The following RPS6KA2 variants were observed in gnomAD, a reference collection of about 807,000 sequenced individuals.
The protein encoded by RPS6KA2 is ribosomal protein S6 kinase alpha-2.
A neutral mutation model predicts 91.8 loss-of-function variants in RPS6KA2; 42 were observed. That is an observed-to-expected ratio of 0.46 (90% CI 0.36 to 0.59). The LOEUF (loss-of-function observed/expected upper bound fraction) is 0.59, where lower values mean the gene tolerates loss of function less well. Ranked by LOEUF, RPS6KA2 falls within the 20% of genes least tolerant of loss-of-function variation. The probability of loss-of-function intolerance (pLI) is 0.00; values close to 1 mark genes in which losing one functional copy is unlikely to be tolerated. For synonymous variants in RPS6KA2, 414 were observed against 393.6 expected (o/e 1.05, Z -0.61); for missense variants, 798 against 978.5 (o/e 0.82, Z 2.46).
Position 166,829,589 on chromosome 6 carries a change from C to CAA in RPS6KA2, c.123+28609_123+28610dup, listed in dbSNP as rs57711560. On this transcript the variant is annotated intron_variant, in intron 2 of 21. Coordinates refer to the RPS6KA2 transcript ENST00000503859. Reference sequence around the variant, plus strand: ...TGGGCAACAGAGCGAGACTCTGTCTCAAAAAAAAAAAAAAAAAAAAAAAAA... The same window carrying CAA: ...TGGGCAACAGAGCGAGACTCTGTCTCAAAAAAAAAAAAAAAAAAAAAAAAAAA... Among the ~76,000 whole-genome samples, 133 of 96,890 alleles carry CAA rather than the reference C, an allele frequency of 1.4e-3. 8 individuals are homozygous for CAA. Among genetic ancestry groups the CAA allele is most frequent in the African/African-American group, 5.9e-3 (124 of 21,160 alleles). 63.6% of individuals were successfully genotyped at this position (96,890 alleles called of 152,430 possible).
chr6:166,756,962 G>A (rs902185642), intron 2 of RPS6KA2, among the ~76,000 whole-genome samples: 6 of 152,198 alleles, frequency 3.9e-5, no homozygotes, highest in South Asian at 2.1e-4. Context: ...TGAAAACGTC[G>A]CGGAGATGGC....
At chr6:166,837,223 G>A (rs12527782) in intron 2 of RPS6KA2, among the ~76,000 whole-genome samples, 110,752 of 151,964 alleles carry the variant, frequency 0.73, 41,070 homozygotes, top group Non-Finnish European at 0.8. Flanking sequence ...GGGGTGGGAG[G>A]GCGCCCTGCC....
At chr6:166,743,623 C>CT (rs1164637301) in intron 2 of RPS6KA2, among the ~76,000 whole-genome samples, 1 of 152,220 alleles carries the variant, frequency 6.6e-6, no homozygotes, top group Non-Finnish European at 1.5e-5. Flanking sequence ...TCTTGTAACC[C>CT]TTTGGTATAT....
At chr6:166,670,516 T>C (rs745963467) in intron 2 of RPS6KA2, among the ~76,000 whole-genome samples, 4 of 152,202 alleles carry the variant, frequency 2.6e-5, no homozygotes, top group Non-Finnish European at 1.5e-5. Context: ...TCGTAAAAAA[T>C]TGAAACATAC....
chr6:166,758,706 G>A (rs1157836263), intron 2 of RPS6KA2, among the ~76,000 whole-genome samples: 1 of 152,230 alleles, frequency 6.6e-6, no homozygotes, highest in African/African-American at 2.4e-5. Context: ...GGATGCAGGT[G>A]TGGAAATAAA....
chr6:166,725,604 C>T (rs1324561900), intron 2 of RPS6KA2, among the ~76,000 whole-genome samples: 2 of 152,224 alleles, frequency 1.3e-5, no homozygotes, highest in African/African-American at 4.8e-5. Context: ...GGGGCGCACA[C>T]ACGGAACCAA....
At position 166,418,951 on chromosome 6, in the gene RPS6KA2, G is replaced by A. The variant is rs1036218794; in HGVS notation, c.1821-609C>T. 7.9e-5 allele frequency among the ~76,000 whole-genome samples: 12 copies of A among 152,210 alleles called. No homozygotes were observed. The highest frequency in any genetic ancestry group is 2.1e-4 in the South Asian group (1 of 4,830). On this transcript the variant is annotated intron_variant, in intron 18 of 20. Transcript: ENST00000265678. The surrounding 1 kb of genome is among the most constrained non-coding windows in gnomAD (Gnocchi z 4.9). The stretch of plus-strand genomic sequence containing the variant: ...GGGAAAGTGTGTGATCTAGTTTTCC[G>A]TATAGGCAAAGTGAGTATTAGAAGC...
chr6:166,745,088 G>C (rs1015582801), intron 2 of RPS6KA2, among the ~76,000 whole-genome samples: 3 of 151,854 alleles, frequency 2.0e-5, no homozygotes, highest in African/African-American at 7.3e-5. Flanking sequence ...TTTGGAGACA[G>C]TGTCCTTCCC....
intron 1 of RPS6KA2, among the ~76,000 whole-genome samples, chr6:166,559,661 T>C (rs951730207): frequency 1.3e-5 from 2 of 152,188 alleles, no homozygotes; most frequent in African/African-American, 4.8e-5. Context: ...TTGAGTAATA[T>C]GGTCTGGCCT....
At chr6:166,862,413 C>G in exon 1 of RPS6KA2, 1 of 1,352,650 alleles carries the variant, frequency 7.4e-7, no homozygotes, top group Admixed American at 3.1e-5. Context: ...GCCGTCCCCT[C>G]CCTGCCAAGC....
chr6:166,739,203 T>A (rs1324998143), intron 2 of RPS6KA2, among the ~76,000 whole-genome samples: 13 of 152,356 alleles, frequency 8.5e-5, no homozygotes, highest in Non-Finnish European at 1.5e-5. Flanking sequence ...AACTCATGGC[T>A]TTGACAATTT....
intron 2 of RPS6KA2, among the ~76,000 whole-genome samples, chr6:166,830,734 C>T (rs559640676): frequency 2.0e-5 from 3 of 152,292 alleles, no homozygotes; most frequent in African/African-American, 7.2e-5. Flanking sequence ...TCAGTCCTCT[C>T]AGACCCAGAT....
chr6:166,685,950 G>A (rs1672001988), intron 2 of RPS6KA2, among the ~76,000 whole-genome samples: 1 of 152,212 alleles, frequency 6.6e-6, no homozygotes, highest in South Asian at 2.1e-4. Flanking sequence ...CCCTAGGAGG[G>A]AGGGGGACAG....
chr6:166,681,258 C>A (rs1050071465), intron 2 of RPS6KA2, among the ~76,000 whole-genome samples: 1 of 152,118 alleles, frequency 6.6e-6, no homozygotes, highest in African/African-American at 2.4e-5. Context: ...GATGCCATAC[C>A]CCACGACAAA....
intron 14 of RPS6KA2, among the ~76,000 whole-genome samples, chr6:166,432,724 C>T (rs1460731470): frequency 6.6e-6 from 1 of 152,162 alleles, no homozygotes; most frequent in Non-Finnish European, 1.5e-5. Flanking sequence ...GGCAAGGTGG[C>T]TCATGCCTGT....
At position 166,423,499 on chromosome 6, in the gene RPS6KA2, G is replaced by A; in HGVS notation, c.1582-82C>T. 2 of 1,365,364 alleles carry A rather than the reference G, an allele frequency of 1.5e-6. No homozygotes were observed. The highest frequency in any genetic ancestry group is 2.0e-5 in the Admixed American group (1 of 49,672). The allele number at this position is 1,365,364 out of a possible 1,614,324, so 84.6% of individuals were successfully genotyped here. On this transcript the variant is annotated intron_variant, in intron 16 of 20. Transcript: ENST00000265678. The surrounding 1 kb of genome is among the most constrained non-coding windows in gnomAD (Gnocchi z 4.8). ...AGGGCAGGTGCATTTGGAGGGGAGG[G>A]TGCATTTGGGAACTGTCTTCCTAGC...
chr6:166,627,337 ACAC>A (rs1786930442), upstream of RPS6KA2: 3 of 561,802 alleles, frequency 5.3e-6, no homozygotes, highest in Admixed American at 1.3e-4. Flanking sequence ...CCCGGCACGC[ACAC>A]CTCCTCCTCC....
At chr6:166,711,796 G>C (rs1046107765) in intron 2 of RPS6KA2, among the ~76,000 whole-genome samples, 25 of 151,266 alleles carry the variant, frequency 1.7e-4, no homozygotes, top group African/African-American at 5.8e-4. Context: ...GAGAGAGAGA[G>C]AGAGAGACAG....
At position 166,490,703 on chromosome 6, in the gene RPS6KA2, C is replaced by G; in HGVS notation, c.786G>C (p.Lys262Asn). 6.2e-7 allele frequency: 1 copy of G among 1,612,946 alleles called. No homozygotes were observed. Among genetic ancestry groups the G allele is most frequent in the Non-Finnish European group, 8.5e-7 (1 of 1,179,458 alleles). The change falls in exon 9 of 21, where the codon AAG becomes AAC. Residue 262 changes from lysine (K) to asparagine (N), a missense_variant. Transcript: ENST00000265678. This position sits in a 1 kb window ranked among gnomAD's most constrained non-coding sequence, Gnocchi z 4.2. ...TGAGAGCCATGGTCTCCTTCCTGTC[C>G]TTCCCCTGGAACGGCAGGGACCCCG... is the stretch of plus-strand genomic sequence containing the variant. ...MLTGSLPFQG[K>N]DRKETMALIL...
Sources: allele counts gnomAD v4.1 joint callset (sites outside exome capture counted in the v4.1 genomes callset), GRCh38; gene constraint gnomAD v4.1.1; non-coding constraint Gnocchi (gnomAD v3.1); transcripts MANE v1.5; gene names NCBI Gene and HGNC (gene_info 2026-07-23, HGNC 2026-07-21).